Variants in GALNT13 observed in about 807,000 individuals in gnomAD.
GALNT13 encodes polypeptide N-acetylgalactosaminyltransferase 13, also known as UDP-GalNAc:polypeptide N-acetylgalactosaminyltransferase 13.
Under a neutral mutation model 64.2 loss-of-function variants are expected in GALNT13, and 28 were observed. The observed-to-expected ratio is 0.44, with a 90% CI of 0.32 to 0.60. The LOEUF (loss-of-function observed/expected upper bound fraction) is 0.60, where lower values mean the gene tolerates loss of function less well. Among genes scored for constraint, GALNT13 ranks in the 20% least tolerant of loss-of-function variants. The probability of loss-of-function intolerance (pLI) is 0.05; values close to 1 mark genes in which losing one functional copy is unlikely to be tolerated. For missense variants in GALNT13, 577 were observed against 669.8 expected (o/e 0.86, Z 1.53); for synonymous variants, 214 against 224.6 (o/e 0.95, Z 0.42).
intron 1 of GALNT13, among the ~76,000 whole-genome samples, chr2:153,872,629 G>T (rs13000504): frequency 3.1e-5 from 2 of 65,438 alleles, no homozygotes; most frequent in Admixed American, 1.9e-4. Context: ...CGGGGGGGGG[G>T]GGGGGAGCGG....
intron 3 of GALNT13, among the ~76,000 whole-genome samples, chr2:153,971,793 C>T (rs1693759095): frequency 6.6e-6 from 1 of 151,854 alleles, no homozygotes; most frequent in African/African-American, 2.4e-5. Flanking sequence ...TATATCATAA[C>T]CATTATAATA....
chr2:154,389,021 A>G (rs1428487714), intron 9 of GALNT13, among the ~76,000 whole-genome samples: 4 of 152,156 alleles, frequency 2.6e-5, no homozygotes, highest in Non-Finnish European at 1.5e-5. Context: ...GTGGCTTAAC[A>G]TTTTTCCATA....
chr2:153,126,069 T>C, the GALNT13 span, among the ~76,000 whole-genome samples: 8 of 152,062 alleles, frequency 5.3e-5, no homozygotes, highest in Non-Finnish European at 1.5e-5. Context: ...GCTTTAAATT[T>C]ATGGATTAAA....
At chr2:153,697,770 C>A in the GALNT13 span, among the ~76,000 whole-genome samples, 1 of 152,088 alleles carries the variant, frequency 6.6e-6, no homozygotes. Flanking sequence ...GAATGACATG[C>A]GAATGTACTG....
chr2:154,062,487 A>G (rs566186832), intron 3 of GALNT13, among the ~76,000 whole-genome samples: 2 of 152,298 alleles, frequency 1.3e-5, no homozygotes, highest in East Asian at 1.9e-4. Context: ...TGCAGCCTCT[A>G]CAGGAAGCAT....
At chr2:153,077,579 G>T in the GALNT13 span, among the ~76,000 whole-genome samples, 2 of 152,098 alleles carry the variant, frequency 1.3e-5, no homozygotes, top group Non-Finnish European at 2.9e-5. Context: ...TGCTGCTTAC[G>T]ACTAGCTGAG....
the GALNT13 span, among the ~76,000 whole-genome samples, chr2:153,522,682 A>T: frequency 6.6e-6 from 1 of 152,024 alleles, no homozygotes; most frequent in African/African-American, 2.4e-5. Context: ...GCCTATTGAG[A>T]TATTTGGCCC....
chr2:154,349,541 G>T (rs1696268438), intron 9 of GALNT13, among the ~76,000 whole-genome samples: 1 of 152,194 alleles, frequency 6.6e-6, no homozygotes, highest in Admixed American at 6.5e-5. Flanking sequence ...ATTGCTGTTA[G>T]GTCAAACATT....
At chr2:153,504,829 T>C in the GALNT13 span, among the ~76,000 whole-genome samples, 1 of 152,190 alleles carries the variant, frequency 6.6e-6, no homozygotes, top group Non-Finnish European at 1.5e-5. Context: ...TTAGGGATAT[T>C]GGTCTGTAGT....
At chr2:154,127,654 A>G (rs1475557093) in intron 3 of GALNT13, among the ~76,000 whole-genome samples, 2 of 149,640 alleles carry the variant, frequency 1.3e-5, no homozygotes, top group Non-Finnish European at 3.0e-5. Context: ...GTGTGTAGAT[A>G]TGGATATATA....
At chr2:153,531,840 C>T in the GALNT13 span, among the ~76,000 whole-genome samples, 1 of 152,166 alleles carries the variant, frequency 6.6e-6, no homozygotes, top group African/African-American at 2.4e-5. Context: ...CCCAGCAGGA[C>T]AGTCATTAAA....
chr2:153,236,517 A>G, the GALNT13 span, among the ~76,000 whole-genome samples: 1 of 152,086 alleles, frequency 6.6e-6, no homozygotes, highest in Non-Finnish European at 1.5e-5. Flanking sequence ...CATTCCCCAA[A>G]TCCGAGGACC....
At chr2:153,797,969 G>T in the GALNT13 span, among the ~76,000 whole-genome samples, 4 of 152,064 alleles carry the variant, frequency 2.6e-5, no homozygotes, top group Non-Finnish European at 4.4e-5. Context: ...GCTTTTCATG[G>T]GCCACAGCAT....
chr2:153,610,970 T>G, the GALNT13 span, among the ~76,000 whole-genome samples: 1 of 152,052 alleles, frequency 6.6e-6, no homozygotes, highest in African/African-American at 2.4e-5. Flanking sequence ...GGTAAAATTA[T>G]AGGAAATACA....
the GALNT13 span, among the ~76,000 whole-genome samples, chr2:153,636,959 A>G: frequency 6.6e-6 from 1 of 152,102 alleles, no homozygotes; most frequent in African/African-American, 2.4e-5. Flanking sequence ...TGTCAAGGTG[A>G]TAGTATGAAT....
chr2:153,581,596 A>G, the GALNT13 span, among the ~76,000 whole-genome samples: 1 of 152,120 alleles, frequency 6.6e-6, no homozygotes, highest in Non-Finnish European at 1.5e-5. Flanking sequence ...TAGTACTCAT[A>G]AGAACTGAAT....
the GALNT13 span, among the ~76,000 whole-genome samples, chr2:153,648,454 T>C: frequency 2.0e-5 from 3 of 152,174 alleles, no homozygotes; most frequent in Non-Finnish European, 2.9e-5. Flanking sequence ...GAATACCCTG[T>C]ATTTCCTTCT....
chr2:153,946,815 TG>T (rs1691787474), intron 3 of GALNT13, among the ~76,000 whole-genome samples: 1 of 152,156 alleles, frequency 6.6e-6, no homozygotes, highest in Admixed American at 6.6e-5. Context: ...ACTATTTGTC[TG>T]GAATAAATGG....
the GALNT13 span, among the ~76,000 whole-genome samples, chr2:153,768,962 A>AT: frequency 1.3e-5 from 2 of 151,970 alleles, no homozygotes; most frequent in South Asian, 4.1e-4. Context: ...ATATTTTTCT[A>AT]TTTTTTTACT....
Sources: allele counts gnomAD v4.1 joint callset (sites outside exome capture counted in the v4.1 genomes callset), GRCh38; gene constraint gnomAD v4.1.1; transcripts MANE v1.5; gene names NCBI Gene and HGNC (gene_info 2026-07-23, HGNC 2026-07-21).